The following CD5 variants were observed in gnomAD, a reference collection of about 807,000 sequenced individuals.
CD5 encodes CD5 molecule.
Under a neutral mutation model 60.3 loss-of-function variants are expected in CD5, and 36 were observed. The ratio of observed to expected loss-of-function variants is 0.60; its 90% CI spans 0.46 to 0.79. The LOEUF is 0.79. Ranked by LOEUF, CD5 falls within the 30% of genes least tolerant of loss-of-function variation. The pLI is 0.00. For missense variants in CD5, 540 were observed against 630.6 expected, an observed-to-expected ratio of 0.86 and a Z score of 1.54; for synonymous variants, 230 against 257.6, an observed-to-expected ratio of 0.89 and a Z score of 1.03.
intron 1 of CD5, 117 bp downstream of exon 1, chr11:61,102,732 T>C: frequency 1.1e-6 from 1 of 924,582 alleles, no homozygotes; most frequent in Admixed American, 2.2e-5. Flanking sequence ...TCTGGAGCGT[T>C]GTGGAGATTT....
intron 6 of CD5, among the ~76,000 whole-genome samples, chr11:61,122,349 TG>T (rs1861075970): frequency 7.1e-6 from 1 of 141,248 alleles, no homozygotes; most frequent in African/African-American, 2.7e-5. Context: ...GATGGATGGA[TG>T]GATCGGTGGG....
chr11:61,124,024 G>A (rs1364077052), intron 8 of CD5, 87 bp downstream of exon 8: 11 of 1,059,070 alleles, frequency 1.0e-5, no homozygotes, highest in Admixed American at 3.7e-5. Context: ...GACCACAGAC[G>A]GAGCCTGTGG....
chr11:61,095,941 C>T, the CD5 span, among the ~76,000 whole-genome samples: 2 of 152,218 alleles, frequency 1.3e-5, no homozygotes, highest in Non-Finnish European at 2.9e-5. Context: ...CAGAAACAGG[C>T]TGGGTTTGCG....
chr11:61,124,984 C>T (rs375846752), intron 8 of CD5, 48 bp from the exon 9 acceptor site: 6 of 1,611,380 alleles, frequency 3.7e-6, no homozygotes, highest in South Asian at 3.3e-5. Context: ...GGGAAGGAGA[C>T]GGAGGACACA....
chr11:61,106,733 T>C (rs904189423), intron 1 of CD5, among the ~76,000 whole-genome samples: 3 of 152,194 alleles, frequency 2.0e-5, no homozygotes, highest in African/African-American at 7.2e-5. Context: ...TGAACACATA[T>C]GTGCACAGCC....
At chr11:61,120,347 G>A (rs1861039628) in intron 5 of CD5, among the ~76,000 whole-genome samples, 1 of 152,186 alleles carries the variant, frequency 6.6e-6, no homozygotes, top group South Asian at 2.1e-4. Context: ...CTTACCGAGA[G>A]CTTACTTCAT....
chr11:61,106,230 G>A (rs1176292742), intron 1 of CD5, among the ~76,000 whole-genome samples: 1 of 152,092 alleles, frequency 6.6e-6, no homozygotes, highest in African/African-American at 2.4e-5. Context: ...GTCTGCACTA[G>A]GATAGGAGGA....
At chr11:61,105,460 A>T (rs551570347) in intron 1 of CD5, among the ~76,000 whole-genome samples, 28 of 152,360 alleles carry the variant, frequency 1.8e-4, no homozygotes, top group African/African-American at 5.5e-4. Flanking sequence ...TAAGGATTCA[A>T]TGAATCAATG....
intron 1 of CD5, among the ~76,000 whole-genome samples, chr11:61,112,239 G>T (rs1860866533): frequency 6.6e-6 from 1 of 152,196 alleles, no homozygotes; most frequent in Non-Finnish European, 1.5e-5. Flanking sequence ...GTGGGAATGA[G>T]AGGTCAGGAG....
intron 1 of CD5, among the ~76,000 whole-genome samples, chr11:61,103,039 C>T (rs533473028): frequency 1.3e-5 from 2 of 152,312 alleles, no homozygotes; most frequent in African/African-American, 2.4e-5. Flanking sequence ...TCGCCGTCTC[C>T]GAGGCAGCTC....
intron 5 of CD5, among the ~76,000 whole-genome samples, chr11:61,119,995 T>C (rs748478455): frequency 3.9e-5 from 6 of 152,090 alleles, no homozygotes; most frequent in Admixed American, 1.3e-4. Context: ...AGAGTTGGCA[T>C]TGCAGCAATG....
intron 5 of CD5, 139 bp downstream of exon 5, chr11:61,119,714 C>A: frequency 1.5e-6 from 1 of 650,458 alleles, no homozygotes; most frequent in Non-Finnish European, 2.6e-6. Context: ...CTGGTCTTGG[C>A]CTCTAAGAGG....
chr11:61,095,965 C>T, the CD5 span, among the ~76,000 whole-genome samples: 1 of 152,158 alleles, frequency 6.6e-6, no homozygotes, highest in African/African-American at 2.4e-5. Flanking sequence ...ATGAATACCT[C>T]ACAGTTACTG....
chr11:61,102,699 C>T (rs1184820401), intron 1 of CD5, 84 bp downstream of exon 1: 22 of 1,194,592 alleles, frequency 1.8e-5, no homozygotes, highest in Non-Finnish European at 2.5e-5. Context: ...CCAAGGCTGA[C>T]TCTGGGATCC....
At chr11:61,117,019 C>A (rs934802774) in intron 2 of CD5, among the ~76,000 whole-genome samples, 1 of 152,210 alleles carries the variant, frequency 6.6e-6, no homozygotes, top group Non-Finnish European at 1.5e-5. Flanking sequence ...GAAACGCCCA[C>A]ACAAAGACCT....
At chr11:61,109,881 G>T (rs1860828467) in intron 1 of CD5, among the ~76,000 whole-genome samples, 1 of 152,238 alleles carries the variant, frequency 6.6e-6, no homozygotes, top group African/African-American at 2.4e-5. Context: ...CGTAGCCCCA[G>T]TTGCTCGGGG....
Position 61,121,640 on chromosome 11 carries a change from G to C in CD5, c.835G>C (p.Val279Leu). Reference sequence around the variant, plus strand: ...CCAGCCCAAGGTGCAGAGCCGTCTGGTGGGGGGCAGCAGCATCTGTGAAGG... The same window carrying C: ...CCAGCCCAAGGTGCAGAGCCGTCTGCTGGGGGGCAGCAGCATCTGTGAAGG... ...GFQPKVQSRLVGGSSICEGTV... is the reference protein window; with the variant it reads ...GFQPKVQSRLLGGSSICEGTV... The change falls in exon 6 of 11, where the codon GTG becomes CTG. Residue 279 changes from valine to leucine, a missense_variant. Physicochemically the swap from Val to Leu is conservative, Grantham distance 32. Coordinates refer to ENST00000347785, the MANE Select transcript of CD5 (RefSeq NM_014207.4). The C allele has an allele frequency of 6.5e-7, 1 of 1,536,976 alleles. No homozygotes were observed. The highest frequency in any genetic ancestry group is 8.8e-7 in the Non-Finnish European group (1 of 1,137,162).
chr11:61,112,916 C>G (rs1032897786), intron 1 of CD5, among the ~76,000 whole-genome samples: 2 of 152,240 alleles, frequency 1.3e-5, no homozygotes, highest in Admixed American at 6.5e-5. Context: ...CTTGAGAACA[C>G]TCAAGCAAGA....
intron 6 of CD5, 48 bp from the exon 7 acceptor site, chr11:61,122,859 T>G: frequency 6.5e-7 from 1 of 1,544,502 alleles, no homozygotes; most frequent in East Asian, 2.3e-5. Context: ...TCCCACAGTT[T>G]TTCTCCCCCC....
Sources: allele counts gnomAD v4.1 joint callset (sites outside exome capture counted in the v4.1 genomes callset), GRCh38; gene constraint gnomAD v4.1.1; transcripts MANE v1.5; gene names NCBI Gene and HGNC (gene_info 2026-07-23, HGNC 2026-07-21).